Variants in ANKIB1 observed in about 807,000 individuals in gnomAD.
The protein encoded by ANKIB1 is ankyrin repeat and IBR domain containing 1.
In ANKIB1, 43 loss-of-function variants were observed where a neutral mutation model predicts 122.1. The ratio of observed to expected loss-of-function variants is 0.35; its 90% confidence interval spans 0.28 to 0.45. ANKIB1 has a LOEUF of 0.45. Among genes scored for constraint, ANKIB1 ranks in the 20% least tolerant of loss-of-function variants. ANKIB1 has a pLI of 1.00. For missense variants in ANKIB1, 992 were observed against 1,329.5 expected, an observed-to-expected ratio of 0.75 and a Z score of 3.95; for synonymous variants, 390 against 442.0, an observed-to-expected ratio of 0.88 and a Z score of 1.48.
chr7:92,252,732 C>T (rs1190485365), intron 1 of ANKIB1, among the ~76,000 whole-genome samples: 1 of 152,068 alleles, frequency 6.6e-6, no homozygotes, highest in Non-Finnish European at 1.5e-5. Flanking sequence ...TTCAAGCTGG[C>T]TCGTCTGCCC....
intron 11 of ANKIB1, among the ~76,000 whole-genome samples, chr7:92,385,221 C>A (rs2115689795): frequency 6.6e-6 from 1 of 152,242 alleles, no homozygotes; most frequent in African/African-American, 2.4e-5. Flanking sequence ...ATTAAAAAGT[C>A]AGGAAACAAC....
intron 1 of ANKIB1, 41 bp downstream of exon 1, chr7:92,246,560 C>G (rs953688757): frequency 5.8e-6 from 3 of 513,514 alleles, no homozygotes; most frequent in South Asian, 4.3e-5. Flanking sequence ...TTGAGGCTGC[C>G]TCTACCCATT....
At chr7:92,250,329 G>A (rs1383372746) in intron 1 of ANKIB1, among the ~76,000 whole-genome samples, 3 of 152,176 alleles carry the variant, frequency 2.0e-5, no homozygotes, top group African/African-American at 7.2e-5. Flanking sequence ...GGAGGCAGAG[G>A]TTGCAGTGAG....
At chr7:92,285,947 A>G (rs1204297167) in intron 1 of ANKIB1, among the ~76,000 whole-genome samples, 1 of 152,210 alleles carries the variant, frequency 6.6e-6, no homozygotes, top group Non-Finnish European at 1.5e-5. Flanking sequence ...AGCCTTAGTT[A>G]TGCAATTCCT....
In ANKIB1 at chr7:92,353,819, A is replaced by T. The variant is rs368186735; in HGVS notation, c.1397+1177A>T. On this transcript the variant is annotated intron_variant, in intron 9 of 19. Coordinates refer to ENST00000265742, the MANE Select transcript of ANKIB1 (RefSeq NM_019004.2). ...GTATTGTCTGTGCCTGCTTTTGGGCAATGACAGCAGAATTGAGCAGCTGAG... is the reference window on the plus strand; with the variant it reads ...GTATTGTCTGTGCCTGCTTTTGGGCTATGACAGCAGAATTGAGCAGCTGAG... 3.2e-4 allele frequency among the ~76,000 whole-genome samples: 48 copies of T among 152,310 alleles called. 1 individual carries two copies. Among genetic ancestry groups the T allele is most frequent in the African/African-American group, 9.9e-4 (41 of 41,574 alleles).
At chr7:92,335,827 CTTTATTT>C (rs2131966633) in intron 5 of ANKIB1, among the ~76,000 whole-genome samples, 1 of 151,928 alleles carries the variant, frequency 6.6e-6, no homozygotes, top group Non-Finnish European at 1.5e-5. Context: ...CTGTTTGTCT[CTTTATTT>C]TTTGTTCTCT....
chr7:92,401,336 G>A lies in ANKIB1; in HGVS notation c.*2387G>A, dbSNP rs1221475920. 1.3e-5 allele frequency: 2 copies of A among 151,934 alleles called. No homozygotes were observed. The highest frequency in any genetic ancestry group is 1.3e-4 in the Admixed American group (2 of 15,254). 9.4% of individuals were successfully genotyped at this position (151,934 alleles called of 1,614,324 possible). A position where few individuals can be genotyped will look rare whatever the true frequency, so the allele number is the denominator to read the frequency against. ...GTAGATGTTTGGCCAAATGAATGCT[G>A]TTAATAATATGTAAAATTCTTTGAT... On this transcript the variant is annotated 3_prime_UTR_variant, in exon 20 of 20. Coordinates refer to ENST00000265742, the MANE Select transcript of ANKIB1 (RefSeq NM_019004.2).
intron 11 of ANKIB1, among the ~76,000 whole-genome samples, chr7:92,381,984 A>T (rs1185204690): frequency 2.0e-5 from 3 of 152,180 alleles, no homozygotes; most frequent in Admixed American, 6.5e-5. Context: ...AATGTGCTGT[A>T]TTCAGGAGAC....
Position 92,250,418 on chromosome 7 carries a change from A to AT in ANKIB1, c.-91+3900dup, listed in dbSNP as rs139672123. ...AAAAATAAATAAATCAATAAAGCAG[A>AT]TAATTATATACTATCAAAAATAATT... On this transcript the variant is annotated intron_variant, in intron 1 of 19. Coordinates refer to ENST00000265742, the MANE Select transcript of ANKIB1 (RefSeq NM_019004.2). 3.5e-3 allele frequency among the ~76,000 whole-genome samples: 538 copies of AT among 152,342 alleles called. 4 individuals are homozygous for AT. Among genetic ancestry groups the AT allele is most frequent in the African/African-American group, 0.012 (508 of 41,578 alleles).
intron 9 of ANKIB1, among the ~76,000 whole-genome samples, chr7:92,354,678 G>A (rs544537225): frequency 6.6e-6 from 1 of 152,118 alleles, no homozygotes; most frequent in Non-Finnish European, 1.5e-5. Flanking sequence ...TTAATTTACA[G>A]TTCCTGTTTT....
intron 1 of ANKIB1, among the ~76,000 whole-genome samples, chr7:92,269,294 G>A (rs1585080016): frequency 6.6e-6 from 1 of 152,296 alleles, no homozygotes; most frequent in East Asian, 1.9e-4. Context: ...CAGTATAAGA[G>A]TTTGGCTATT....
intron 5 of ANKIB1, among the ~76,000 whole-genome samples, chr7:92,338,948 ATATATATATATATATATATATATT>A (rs1379127970): frequency 1.9e-5 from 2 of 104,614 alleles, no homozygotes; most frequent in African/African-American, 3.9e-5. Context: ...ATATATATAT[ATATATATATATATATATATATATT>A]TATATGAATC....
chr7:92,275,423 C>G (rs1801881393), intron 1 of ANKIB1, among the ~76,000 whole-genome samples: 1 of 152,066 alleles, frequency 6.6e-6, no homozygotes, highest in Non-Finnish European at 1.5e-5. Flanking sequence ...GGTGGTGCTG[C>G]CCATCACCAA....
At chr7:92,303,072 G>A (rs1585096999) in intron 2 of ANKIB1, among the ~76,000 whole-genome samples, 1 of 152,168 alleles carries the variant, frequency 6.6e-6, no homozygotes, top group East Asian at 1.9e-4. Flanking sequence ...GAGTATGAGT[G>A]CAAGAGAAAG....
intron 4 of ANKIB1, among the ~76,000 whole-genome samples, chr7:92,324,599 C>G (rs1802985216): frequency 6.6e-6 from 1 of 152,152 alleles, no homozygotes; most frequent in Non-Finnish European, 1.5e-5. Context: ...TACTTTGACC[C>G]TGGTTGACTT....
chr7:92,301,926 G>A (rs1426910079), intron 2 of ANKIB1, among the ~76,000 whole-genome samples: 1 of 151,844 alleles, frequency 6.6e-6, no homozygotes, highest in African/African-American at 2.4e-5. Flanking sequence ...AGCTGAGCTT[G>A]GCTAGATTCC....
chr7:92,247,153 C>T (rs983389670), intron 1 of ANKIB1, among the ~76,000 whole-genome samples: 4 of 152,182 alleles, frequency 2.6e-5, no homozygotes, highest in African/African-American at 7.2e-5. Context: ...GCTCTATTCA[C>T]ACGGAATGGC....
chr7:92,285,498 A>G (rs1585088239), intron 1 of ANKIB1, among the ~76,000 whole-genome samples: 1 of 152,224 alleles, frequency 6.6e-6, no homozygotes, highest in South Asian at 2.1e-4. Flanking sequence ...GTGAAACTCT[A>G]TGTGCACTAT....
chr7:92,279,004 A>C lies in ANKIB1; in HGVS notation c.-90-15885A>C, dbSNP rs185488942. ...TTGGTACTAGAGACCGCTTATGTGA[A>C]GACAGTTTTTCCACGTACAGCAGAG... On this transcript the variant is annotated intron_variant, in intron 1 of 19. Coordinates refer to ENST00000265742, the MANE Select transcript of ANKIB1 (RefSeq NM_019004.2). Among the ~76,000 whole-genome samples, 548 of 152,332 alleles carry C rather than the reference A, an allele frequency of 3.6e-3. 9 individuals are homozygous for C. The highest frequency in any genetic ancestry group is 3.2e-3 in the Non-Finnish European group (217 of 68,026).
Sources: allele counts gnomAD v4.1 joint callset (sites outside exome capture counted in the v4.1 genomes callset), GRCh38; gene constraint gnomAD v4.1.1; transcripts MANE v1.5; gene names NCBI Gene and HGNC (gene_info 2026-07-23, HGNC 2026-07-21).